The following IGF2BP3 variants were observed in gnomAD, a reference collection of about 807,000 sequenced individuals.
IGF2BP3 encodes insulin-like growth factor 2 mRNA-binding protein 3.
A neutral mutation model predicts 73.8 loss-of-function variants in IGF2BP3; 9 were observed. That is an observed-to-expected ratio of 0.12 (90% CI 0.07 to 0.21). The LOEUF (loss-of-function observed/expected upper bound fraction) is 0.21. Ranked by LOEUF, IGF2BP3 falls within the 10% of genes least tolerant of loss-of-function variation. The pLI, the probability that IGF2BP3 is intolerant of heterozygous loss-of-function variation, is 1.00. For missense variants in IGF2BP3, 542 were observed against 714.0 expected (o/e 0.76, Z 2.75); for synonymous variants, 258 against 256.7 (o/e 1.01, Z -0.05).
At chr7:23,333,148 G>A (rs1784483810) in intron 10 of IGF2BP3, among the ~76,000 whole-genome samples, 1 of 152,208 alleles carries the variant, frequency 6.6e-6, no homozygotes, top group African/African-American at 2.4e-5. Context: ...TAAGAGCATA[G>A]GGAACTGAAC....
chr7:23,320,947 C>CAAA (rs70966008), intron 10 of IGF2BP3, among the ~76,000 whole-genome samples: 37 of 96,406 alleles, frequency 3.8e-4, no homozygotes, highest in South Asian at 9.0e-4. Context: ...AACTCTGTCT[C>CAAA]AAAAAAAAAA....
chr7:23,373,592 T>C (rs1785624577), intron 3 of IGF2BP3, among the ~76,000 whole-genome samples: 1 of 152,166 alleles, frequency 6.6e-6, no homozygotes, highest in Non-Finnish European at 1.5e-5. Context: ...AAAACCCTCA[T>C]ACATTGCTGG....
intron 3 of IGF2BP3, among the ~76,000 whole-genome samples, chr7:23,410,525 G>A (rs143633003): frequency 1.9e-4 from 29 of 152,240 alleles, no homozygotes; most frequent in African/African-American, 7.2e-5. Flanking sequence ...CATATATACC[G>A]GTTGTAGAGA....
intron 2 of IGF2BP3, among the ~76,000 whole-genome samples, chr7:23,419,285 T>A: frequency 6.6e-6 from 1 of 152,180 alleles, no homozygotes; most frequent in East Asian, 1.9e-4. Context: ...ATCCCCTAAA[T>A]GAAATTTAAC....
At chr7:23,417,037 T>A (rs2128534613) in intron 3 of IGF2BP3, among the ~76,000 whole-genome samples, 2 of 152,146 alleles carry the variant, frequency 1.3e-5, no homozygotes, top group African/African-American at 4.8e-5. Flanking sequence ...GCCTGGGCAA[T>A]GAGAGCGAAA....
At chr7:23,405,432 T>C (rs1786796411) in intron 3 of IGF2BP3, among the ~76,000 whole-genome samples, 1 of 152,202 alleles carries the variant, frequency 6.6e-6, no homozygotes, top group Non-Finnish European at 1.5e-5. Context: ...CCCTCTGCTA[T>C]GCCCCAGCCT....
intron 3 of IGF2BP3, among the ~76,000 whole-genome samples, chr7:23,380,074 T>G (rs554506801): frequency 8.6e-5 from 13 of 151,834 alleles, no homozygotes; most frequent in Non-Finnish European, 1.3e-4. Flanking sequence ...ATTTCAAAAT[T>G]AATGTTCAGC....
At chr7:23,448,852 G>C (rs1367181778) in intron 2 of IGF2BP3, among the ~76,000 whole-genome samples, 4 of 151,804 alleles carry the variant, frequency 2.6e-5, no homozygotes, top group Non-Finnish European at 4.4e-5. Context: ...AGCTGGTCTC[G>C]ATCTCCTGAC....
chr7:23,383,447 C>A (rs577613478), intron 3 of IGF2BP3, among the ~76,000 whole-genome samples: 3 of 152,200 alleles, frequency 2.0e-5, no homozygotes, highest in African/African-American at 7.2e-5. Flanking sequence ...CACTTTACAC[C>A]CAGTAGGCTA....
At chr7:23,322,141 C>T (rs112360334) in intron 10 of IGF2BP3, among the ~76,000 whole-genome samples, 1 of 152,118 alleles carries the variant, frequency 6.6e-6, no homozygotes, top group Non-Finnish European at 1.5e-5. Context: ...GGAGGAAATT[C>T]AAACCAAAGG....
At chr7:23,361,062 A>G (rs1785212970) in intron 5 of IGF2BP3, among the ~76,000 whole-genome samples, 1 of 152,224 alleles carries the variant, frequency 6.6e-6, no homozygotes, top group African/African-American at 2.4e-5. Context: ...AGCAAATTAC[A>G]TTAATCCAAT....
At chr7:23,360,971 CT>C (rs1785210148) in intron 5 of IGF2BP3, among the ~76,000 whole-genome samples, 1 of 152,182 alleles carries the variant, frequency 6.6e-6, no homozygotes, top group African/African-American at 2.4e-5. Flanking sequence ...ATAGAATTAT[CT>C]TTTCCTAGGG....
chr7:23,463,655 A>G (rs1285330298), intron 2 of IGF2BP3, among the ~76,000 whole-genome samples: 1 of 152,260 alleles, frequency 6.6e-6, no homozygotes, highest in African/African-American at 2.4e-5. Flanking sequence ...ACAGAAGCCA[A>G]GATTCTCGAT....
chr7:23,442,973 T>G (rs1242021092), intron 2 of IGF2BP3, among the ~76,000 whole-genome samples: 1 of 152,152 alleles, frequency 6.6e-6, no homozygotes, highest in Non-Finnish European at 1.5e-5. Flanking sequence ...TTAGTGAAAT[T>G]TCAGTATCTT....
At chr7:23,408,001 AACT>A (rs1413764107) in intron 3 of IGF2BP3, among the ~76,000 whole-genome samples, 1 of 151,570 alleles carries the variant, frequency 6.6e-6, no homozygotes. Context: ...ACAGCCTAAA[AACT>A]ACATGATAAT....
chr7:23,432,165 T>C (rs1362995280), intron 2 of IGF2BP3, among the ~76,000 whole-genome samples: 2 of 152,192 alleles, frequency 1.3e-5, no homozygotes, highest in Admixed American at 6.5e-5. Context: ...GTTATCTCCA[T>C]CTATGTAGAA....
intron 2 of IGF2BP3, among the ~76,000 whole-genome samples, chr7:23,449,564 T>C (rs1304571916): frequency 2.8e-5 from 4 of 142,700 alleles, no homozygotes; most frequent in African/African-American, 2.5e-5. Flanking sequence ...CTTTTTTTTT[T>C]TTTTTTTTTT....
rs184656187 is a variant in IGF2BP3, at chr7:23,441,516, T to C, written c.237-22692A>G. Among the ~76,000 whole-genome samples, 631 of 134,080 alleles carry C rather than the reference T, an allele frequency of 4.7e-3. 5 individuals carry two copies. Among genetic ancestry groups the C allele is most frequent in the Admixed American group, 0.01 (112 of 10,682 alleles). 88.0% of individuals were successfully genotyped at this position (134,080 alleles called of 152,430 possible). A position where few individuals can be genotyped will look rare whatever the true frequency, so the allele number is the denominator to read the frequency against. ...TGAACCCGGGAGGCCGAGGTTGCAG[T>C]GAGCTGAGATCGTGCCACTGCACTC... On this transcript the variant is annotated intron_variant, in intron 2 of 14. Coordinates refer to ENST00000258729, the MANE Select transcript of IGF2BP3 (RefSeq NM_006547.3).
At position 23,439,815 on chromosome 7, in the gene IGF2BP3, A is replaced by G. The variant is rs565357593; in HGVS notation, c.237-20991T>C. Among the ~76,000 whole-genome samples, 21 of 152,308 alleles carry G rather than the reference A, an allele frequency of 1.4e-4. No individual in the cohort carries two copies. The South Asian group carries it at 3.1e-3, about 23-fold the overall frequency. On this transcript the variant is annotated intron_variant, in intron 2 of 14. Transcript: ENST00000258729. The stretch of plus-strand genomic sequence containing the variant: ...GAGGTGGGTGGGAGCACCAAGCACC[A>G]AAGATAGAAACAAATGGCTCTCACC...
Sources: allele counts gnomAD v4.1 joint callset (sites outside exome capture counted in the v4.1 genomes callset), GRCh38; gene constraint gnomAD v4.1.1; transcripts MANE v1.5; gene names NCBI Gene and HGNC (gene_info 2026-07-23, HGNC 2026-07-21).